The following SLC12A1 variants were observed in gnomAD, a reference collection of about 807,000 sequenced individuals.
The protein encoded by SLC12A1 is solute carrier family 12 member 1.
SLC12A1 carries 89 observed loss-of-function variants against 130.4 expected under a neutral mutation model. The observed-to-expected ratio is 0.68, with a 90% CI of 0.58 to 0.81. SLC12A1 has a LOEUF of 0.81. Among genes scored for constraint, SLC12A1 ranks in the 40% least tolerant of loss-of-function variants. The pLI is 0.00. For synonymous variants in SLC12A1, 499 were observed against 460.0 expected (o/e 1.08, Z -1.09); for missense variants, 1,310 against 1,336.4 (o/e 0.98, Z 0.31).
chr15:48,291,158 C>T (rs12904186), intron 23 of SLC12A1, among the ~76,000 whole-genome samples: 150,212 of 151,744 alleles, frequency 0.99, 74,372 homozygotes, highest in Middle Eastern at 1. Flanking sequence ...ATATAAACAA[C>T]TGGTGAATTT....
At chr15:48,297,874 A>G (rs2042194450) in intron 24 of SLC12A1, among the ~76,000 whole-genome samples, 1 of 152,228 alleles carries the variant, frequency 6.6e-6, no homozygotes, top group Non-Finnish European at 1.5e-5. Flanking sequence ...TTCCATAGTA[A>G]TGACCACTCC....
chr15:48,269,839 T>C, intron 19 of SLC12A1, 75 bp downstream of exon 19: 3 of 745,424 alleles, frequency 4.0e-6, no homozygotes, highest in South Asian at 1.6e-5. Context: ...GTACTGCACA[T>C]AACACTGTTG....
At chr15:48,225,322 T>C (rs1350263722) in intron 4 of SLC12A1, 3 of 152,214 alleles carry the variant, frequency 2.0e-5, no homozygotes, top group Non-Finnish European at 4.4e-5. Context: ...TGTGACCAAA[T>C]GTACATAAAA....
At chr15:48,291,708 A>G in intron 23 of SLC12A1, 70 bp from the exon 24 acceptor site, 5 of 981,032 alleles carry the variant, frequency 5.1e-6, no homozygotes, top group Non-Finnish European at 7.9e-6. Flanking sequence ...ATCTTAACTC[A>G]AACAAAAAAC....
chr15:48,302,725 T>G, intron 26 of SLC12A1, 25 bp from the exon 27 acceptor site: 1 of 1,580,964 alleles, frequency 6.3e-7, no homozygotes, highest in Non-Finnish European at 8.6e-7. Flanking sequence ...ACTTTCATTT[T>G]TAAATTTTTC....
At chr15:48,277,739 A>G (rs1258323885) in intron 20 of SLC12A1, among the ~76,000 whole-genome samples, 2 of 152,154 alleles carry the variant, frequency 1.3e-5, no homozygotes, top group Non-Finnish European at 2.9e-5. Flanking sequence ...TTCATACTCT[A>G]TTTGCTGGTT....
intron 1 of SLC12A1, among the ~76,000 whole-genome samples, chr15:48,207,079 A>C (rs1352520196): frequency 6.6e-6 from 1 of 152,178 alleles, no homozygotes; most frequent in Non-Finnish European, 1.5e-5. Context: ...AACTAGCAAG[A>C]ATATATTTTT....
intron 17 of SLC12A1, among the ~76,000 whole-genome samples, chr15:48,266,932 G>A (rs1469267678): frequency 6.6e-6 from 1 of 152,096 alleles, no homozygotes; most frequent in Non-Finnish European, 1.5e-5. Flanking sequence ...CTCTTCTTAG[G>A]TCATAGGTAC....
rs137895722 is a variant in SLC12A1 at position 48,220,917 on chromosome 15, A to T, written c.553-4A>T. 6.2e-7 allele frequency: 1 copy of T among 1,613,688 alleles called. No individual in the cohort carries two copies. Among genetic ancestry groups the T allele is most frequent in the Non-Finnish European group, 8.5e-7 (1 of 1,179,720 alleles). ...TCTCCTTTCAATACCGCTTCTATCC[A>T]CAGGTAAGATGCATGCTGAACATCT... On this transcript the variant is annotated splice_polypyrimidine_tract_variant and splice_region_variant and intron_variant, in intron 3 of 26. Coordinates refer to ENST00000380993, the MANE Select transcript of SLC12A1 (RefSeq NM_000338.3).
intron 10 of SLC12A1, among the ~76,000 whole-genome samples, chr15:48,243,843 ATT>A (rs1412439011): frequency 6.6e-6 from 1 of 152,210 alleles, no homozygotes; most frequent in African/African-American, 2.4e-5. Context: ...AAGCAGTTTT[ATT>A]GGTTGGTATT....
At chr15:48,228,584 T>C in intron 5 of SLC12A1, 1 of 214,036 alleles carries the variant, frequency 4.7e-6, no homozygotes, top group South Asian at 6.1e-5. Flanking sequence ...TGTATATATA[T>C]GTTTATATAT....
intron 9 of SLC12A1, among the ~76,000 whole-genome samples, chr15:48,237,951 G>A (rs1190798724): frequency 2.0e-5 from 3 of 152,148 alleles, no homozygotes; most frequent in African/African-American, 7.2e-5. Context: ...GAGATGGCAT[G>A]GGCCTGATTT....
At position 48,255,973 on chromosome 15, in the gene SLC12A1, GAGAC is replaced by G. The variant is rs1597433081; in HGVS notation, c.2042+65_2042+68del. On this transcript the variant is annotated intron_variant, in intron 16 of 26. Transcript: ENST00000380993. ...CCCTAGAAGTGGCTCTCCTTTATAA[GAGAC>G]AAGGGCATTCAAGTAGTTATAAGCT... The G allele has an allele frequency of 1.5e-5, 14 of 964,106 alleles. No homozygotes were observed. In the East Asian group the frequency reaches 3.6e-4, roughly 25 times the overall value. The allele number at this position is 964,106 out of a possible 1,614,324, so 59.7% of individuals were successfully genotyped here.
At chr15:48,267,989 G>A (rs1005554006) in intron 18 of SLC12A1, among the ~76,000 whole-genome samples, 1 of 152,204 alleles carries the variant, frequency 6.6e-6, no homozygotes, top group African/African-American at 2.4e-5. Context: ...ATTTGTTCTG[G>A]TGGTTGACGA....
chr15:48,237,668 T>C (rs1425218256), intron 9 of SLC12A1, among the ~76,000 whole-genome samples: 1 of 152,232 alleles, frequency 6.6e-6, no homozygotes, highest in Non-Finnish European at 1.5e-5. Context: ...GGCTTAACTT[T>C]TAACACATAC....
At chr15:48,289,357 C>A (rs1000671420) in intron 23 of SLC12A1, among the ~76,000 whole-genome samples, 5 of 143,750 alleles carry the variant, frequency 3.5e-5, no homozygotes, top group Non-Finnish European at 6.0e-5. Context: ...TTAACATTTT[C>A]TCTTCCCTCT....
At chr15:48,273,620 G>A (rs1447566134) in intron 19 of SLC12A1, among the ~76,000 whole-genome samples, 1 of 152,162 alleles carries the variant, frequency 6.6e-6, no homozygotes, top group Non-Finnish European at 1.5e-5. Flanking sequence ...AATTTACTTT[G>A]TGACAGCTTG....
intron 2 of SLC12A1, among the ~76,000 whole-genome samples, chr15:48,212,390 A>C (rs2041062864): frequency 6.6e-6 from 1 of 152,116 alleles, no homozygotes; most frequent in Admixed American, 6.5e-5. Context: ...GTTTATATTT[A>C]TTTTCAAACA....
chr15:48,267,577 GTGT>G lies in SLC12A1; in HGVS notation c.2173_2175del (p.Val725del). On this transcript the variant is annotated inframe_deletion, in exon 18 of 27. Transcript: ENST00000380993. ...GTCACACAGGGACCGCGCAAACTGT[GTGT>G]TAAGGAGATGAACAGTGGCATGGCG... 6.2e-7 allele frequency: 1 copy of G among 1,613,472 alleles called. No individual in the cohort carries two copies. The highest frequency in any genetic ancestry group is 8.5e-7 in the Non-Finnish European group (1 of 1,179,538).
Sources: gnomAD v4.1 joint callset for allele counts (sites outside exome capture counted in the v4.1 genomes callset) on GRCh38, gnomAD v4.1.1 for gene constraint, MANE v1.5 for transcripts, NCBI Gene and HGNC (gene_info 2026-07-23, HGNC 2026-07-21) for gene names.